The following FBXO11 variants were observed in gnomAD, a reference collection of about 807,000 sequenced individuals.
FBXO11 encodes F-box protein 11, also known as F-box only protein 11.
Under a neutral mutation model 117.0 loss-of-function variants are expected in FBXO11, and 13 were observed. That is an observed-to-expected ratio of 0.11 (90% CI 0.07 to 0.18). The LOEUF is 0.18. Among genes scored for constraint, FBXO11 ranks in the 10% least tolerant of loss-of-function variants. The probability of loss-of-function intolerance (pLI) is 1.00; values close to 1 mark genes in which losing one functional copy is unlikely to be tolerated. For synonymous variants in FBXO11, 490 were observed against 380.5 expected, an observed-to-expected ratio of 1.29 and a Z score of -3.35; for missense variants, 767 against 1,164.4, an observed-to-expected ratio of 0.66 and a Z score of 4.97.
At chr2:47,884,079 G>C (rs1676634891) in intron 1 of FBXO11, among the ~76,000 whole-genome samples, 1 of 152,098 alleles carries the variant, frequency 6.6e-6, no homozygotes, top group Non-Finnish European at 1.5e-5. Context: ...AGTTAGCCGG[G>C]CCTGTGATGC....
At chr2:47,820,601 T>C (rs905832852) in intron 13 of FBXO11, 145 bp from the exon 14 acceptor site, 10 of 624,080 alleles carry the variant, frequency 1.6e-5, no homozygotes, top group South Asian at 3.9e-5. Flanking sequence ...GAAGTGTAAA[T>C]AGATGCAGAG....
chr2:47,840,738 G>A lies in FBXO11; in HGVS notation c.233-969C>T, dbSNP rs117787620. Among the ~76,000 whole-genome samples the A allele has an allele frequency of 2.1e-3, 321 of 151,712 alleles. 2 individuals carry two copies. The highest frequency in any genetic ancestry group is 2.0e-3 in the Non-Finnish European group (137 of 67,942). On this transcript the variant is annotated intron_variant, in intron 1 of 22. Transcript: ENST00000403359. ...AAAGTGCTTTCAACAGAGCACGGCT[G>A]CAGTGAGCTATGATCACACATCTGC...
chr2:47,828,044 A>G (rs1671895224), intron 11 of FBXO11, among the ~76,000 whole-genome samples: 1 of 152,282 alleles, frequency 6.6e-6, no homozygotes, highest in African/African-American at 2.4e-5. Flanking sequence ...AGCTGGAGCT[A>G]TCACAGGTCA....
In FBXO11 at chr2:47,900,869, C is replaced by CACACGTGTATATATAT. The variant is rs1678177050; in HGVS notation, c.232+4604_232+4619dup. 4.3e-5 allele frequency among the ~76,000 whole-genome samples: 6 copies of CACACGTGTATATATAT among 140,920 alleles called. No individual in the cohort carries two copies. The East Asian group carries it at 8.4e-4, about 20-fold the overall frequency. The allele number at this position is 140,920 out of a possible 152,430, so 92.4% of individuals were successfully genotyped here. On this transcript the variant is annotated intron_variant, in intron 1 of 22. Coordinates refer to ENST00000403359, the MANE Select transcript of FBXO11 (RefSeq NM_001190274.2). The stretch of plus-strand genomic sequence containing the variant: ...GTGTATATATATACACGTATACACA[C>CACACGTGTATATATAT]ACACGTGTATATATATACACGTATA...
intron 1 of FBXO11, among the ~76,000 whole-genome samples, chr2:47,879,009 G>A (rs1399742035): frequency 4.6e-5 from 7 of 151,868 alleles, no homozygotes; most frequent in Non-Finnish European, 7.4e-5. Context: ...ATCTTTCCAC[G>A]TATTCAGTTC....
chr2:47,897,468 G>A (rs893217791), intron 1 of FBXO11, among the ~76,000 whole-genome samples: 4 of 152,068 alleles, frequency 2.6e-5, no homozygotes, highest in South Asian at 2.1e-4. Flanking sequence ...AGGCTTAGGC[G>A]GGCAGATCAC....
At chr2:47,825,045 T>C (rs1447171113) in intron 11 of FBXO11, among the ~76,000 whole-genome samples, 1 of 152,224 alleles carries the variant, frequency 6.6e-6, no homozygotes, top group Non-Finnish European at 1.5e-5. Flanking sequence ...CTGGAGCATG[T>C]ATGTAAGACT....
chr2:47,863,829 T>C (rs950837178), intron 1 of FBXO11, among the ~76,000 whole-genome samples: 1 of 151,426 alleles, frequency 6.6e-6, no homozygotes, highest in African/African-American at 2.4e-5. Context: ...TAATCCCAGC[T>C]AATTGGGAGG....
intron 7 of FBXO11, 132 bp from the exon 8 acceptor site, chr2:47,833,202 T>C: frequency 1.6e-6 from 1 of 624,046 alleles, no homozygotes; most frequent in Non-Finnish European, 2.8e-6. Context: ...GTTAACTATG[T>C]TTCATCATCA....
chr2:47,833,888 T>TA (rs1672357409), intron 7 of FBXO11, among the ~76,000 whole-genome samples: 1 of 151,902 alleles, frequency 6.6e-6, no homozygotes, highest in Non-Finnish European at 1.5e-5. Context: ...GGCCAGTCTT[T>TA]AACTCCTGAC....
intron 1 of FBXO11, among the ~76,000 whole-genome samples, chr2:47,863,567 C>A (rs1674953080): frequency 6.6e-6 from 1 of 152,074 alleles, no homozygotes; most frequent in South Asian, 2.1e-4. Context: ...CAAAAGTTTC[C>A]CCTAGTTCTC....
intron 1 of FBXO11, among the ~76,000 whole-genome samples, chr2:47,869,205 A>G (rs1273705717): frequency 6.6e-6 from 1 of 152,186 alleles, no homozygotes; most frequent in Non-Finnish European, 1.5e-5. Context: ...TAACTCACTA[A>G]CGAAATTTCT....
intron 1 of FBXO11, chr2:47,888,619 A>T (rs1217440504): frequency 5.3e-6 from 5 of 951,200 alleles, no homozygotes; most frequent in Non-Finnish European, 6.3e-6. Context: ...CTGAAAGGTT[A>T]ACTTACTTTT....
chr2:47,839,712 C>T lies in FBXO11; in HGVS notation c.290G>A (p.Ser97Asn), dbSNP rs777106251. ...AEESGPGAQN[S>N]PYQLRRKTLL... is the part of the protein sequence containing the mutation. The stretch of plus-strand genomic sequence containing the variant: ...AGTTTTTCTACGAAGTTGGTATGGA[C>T]TATTTTGTGCACCAGGACCTGATTC... Residue 97 changes from serine to asparagine, a missense_variant, in exon 2 of 23, where the codon AGT becomes AAT. Physicochemically the swap from Ser to Asn is conservative, Grantham distance 46. Transcript: ENST00000403359. The T allele has an allele frequency of 1.9e-6, 3 of 1,614,112 alleles. No individual in the cohort carries two copies. Among genetic ancestry groups the T allele is most frequent in the African/African-American group, 1.3e-5 (1 of 75,042 alleles).
intron 7 of FBXO11, 67 bp from the exon 8 acceptor site, chr2:47,833,137 G>A: frequency 9.6e-7 from 1 of 1,039,880 alleles, no homozygotes. Context: ...TCTTTATGGA[G>A]GGGGAACTTA....
chr2:47,905,318 G>A (rs1023977333), intron 1 of FBXO11, 171 bp downstream of exon 1: 21 of 597,680 alleles, frequency 3.5e-5, no homozygotes, highest in African/African-American at 2.9e-4. Flanking sequence ...CTGCCGGCCG[G>A]GCCCGGCCCG....
At chr2:47,841,373 TCTG>T (rs1386589607) in intron 1 of FBXO11, among the ~76,000 whole-genome samples, 2 of 152,138 alleles carry the variant, frequency 1.3e-5, no homozygotes, top group African/African-American at 4.8e-5. Flanking sequence ...GAATCACCAT[TCTG>T]CTATCTCTAA....
intron 1 of FBXO11, chr2:47,883,646 G>A (rs138396798): frequency 5.3e-5 from 16 of 300,370 alleles, no homozygotes; most frequent in Non-Finnish European, 1.0e-4. Flanking sequence ...TTCAAAAGGA[G>A]TCTACTCTTC....
At chr2:47,820,530 G>C in intron 13 of FBXO11, 74 bp from the exon 14 acceptor site, 1 of 1,147,882 alleles carries the variant, frequency 8.7e-7, no homozygotes. Flanking sequence ...ACATTAGGTA[G>C]TGGTTAAAAT....
Sources: allele counts gnomAD v4.1 joint callset (sites outside exome capture counted in the v4.1 genomes callset), GRCh38; gene constraint gnomAD v4.1.1; transcripts MANE v1.5; gene names NCBI Gene and HGNC (gene_info 2026-07-23, HGNC 2026-07-21).